Variants in NAALADL2 observed in about 807,000 individuals in gnomAD.
NAALADL2 encodes the protein N-acetylated alpha-linked acidic dipeptidase like 2.
NAALADL2 carries 76 observed loss-of-function variants against 87.2 expected under a neutral mutation model. That is an observed-to-expected ratio of 0.87 (90% confidence interval 0.72 to 1.05). NAALADL2 has a LOEUF of 1.05. NAALADL2 is among the 50% of genes least tolerant of loss of function. NAALADL2 has a pLI of 0.00. For synonymous variants in NAALADL2, 354 were observed against 331.0 expected (o/e 1.07, Z -0.75); for missense variants, 1,089 against 945.8 (o/e 1.15, Z -1.99).
chr3:175,432,564 T>C (rs1356018615), intron 5 of NAALADL2, among the ~76,000 whole-genome samples: 1 of 152,042 alleles, frequency 6.6e-6, no homozygotes, highest in Non-Finnish European at 1.5e-5. Flanking sequence ...CCATTCCCTT[T>C]TCACAGCCTT....
chr3:174,606,732 T>C (rs1719114610), intron 2 of NAALADL2, among the ~76,000 whole-genome samples: 1 of 152,166 alleles, frequency 6.6e-6, no homozygotes, highest in Non-Finnish European at 1.5e-5. Flanking sequence ...TGGAACCAAG[T>C]TGGAAAACCC....
chr3:175,041,664 G>A (rs1049734127), intron 1 of NAALADL2, among the ~76,000 whole-genome samples: 1 of 152,034 alleles, frequency 6.6e-6, no homozygotes, highest in Non-Finnish European at 1.5e-5. Context: ...AGATGCTCCC[G>A]TCATTCCTTC....
At chr3:175,614,200 G>A (rs760871673) in intron 10 of NAALADL2, among the ~76,000 whole-genome samples, 5 of 152,074 alleles carry the variant, frequency 3.3e-5, no homozygotes, top group Non-Finnish European at 5.9e-5. Flanking sequence ...TTACAGGTGC[G>A]AGCCACCATA....
At chr3:175,053,787 C>T (rs6786232) in intron 1 of NAALADL2, among the ~76,000 whole-genome samples, 21,402 of 152,190 alleles carry the variant, frequency 0.14, 1,698 homozygotes, top group East Asian at 0.22. Flanking sequence ...AGTTGGGCAT[C>T]GCTGGATAAT....
chr3:175,444,344 G>A (rs142989954), intron 5 of NAALADL2, among the ~76,000 whole-genome samples: 70 of 152,252 alleles, frequency 4.6e-4, no homozygotes, highest in East Asian at 3.5e-3. Context: ...CTATCCCAGC[G>A]TTTGTACAGA....
intron 1 of NAALADL2, among the ~76,000 whole-genome samples, chr3:174,882,359 G>T (rs1729298549): frequency 6.6e-6 from 1 of 151,650 alleles, no homozygotes; most frequent in Admixed American, 6.6e-5. Context: ...ACACAAAATA[G>T]TTAACTTGAT....
At chr3:175,036,804 C>CTT (rs10662446) in intron 1 of NAALADL2, among the ~76,000 whole-genome samples, 7,534 of 117,284 alleles carry the variant, frequency 0.064, 946 homozygotes, top group African/African-American at 0.23. Flanking sequence ...TCCATCTGTT[C>CTT]TTTTTTTTTT....
At chr3:175,388,215 AAAC>A (rs1768638329) in intron 5 of NAALADL2, among the ~76,000 whole-genome samples, 1 of 152,086 alleles carries the variant, frequency 6.6e-6, no homozygotes. Flanking sequence ...TTATTTGCAC[AAAC>A]ATTATGAAGA....
rs138703237 is a variant in NAALADL2 at position 174,774,012 on chromosome 3, C to T, written c.-9+36266C>T. The stretch of plus-strand genomic sequence containing the variant: ...GCCTTATGAAGCAAGTGTCTTAAGA[C>T]CTCTTCCATTGGGTACACTTATGAG... On this transcript the variant is annotated intron_variant, in intron 3 of 3. Coordinates refer to the NAALADL2 transcript ENST00000434257. 9.1e-3 allele frequency among the ~76,000 whole-genome samples: 1,385 copies of T among 152,192 alleles called. 14 individuals carry two copies. The highest frequency in any genetic ancestry group is 0.027 in the Middle Eastern group (8 of 294).
At chr3:175,263,665 C>T (rs1751462380) in intron 4 of NAALADL2, among the ~76,000 whole-genome samples, 1 of 151,576 alleles carries the variant, frequency 6.6e-6, no homozygotes, top group Non-Finnish European at 1.5e-5. Flanking sequence ...AGGTGCTGAG[C>T]ATCTTGTTTT....
intron 9 of NAALADL2, among the ~76,000 whole-genome samples, chr3:175,528,961 G>A (rs1051645315): frequency 9.2e-5 from 14 of 152,144 alleles, no homozygotes; most frequent in Admixed American, 7.8e-4. Flanking sequence ...TACCCATTCT[G>A]TATTCCCTTT....
intron 4 of NAALADL2, among the ~76,000 whole-genome samples, chr3:175,319,234 A>G (rs1759536189): frequency 6.6e-6 from 1 of 152,200 alleles, no homozygotes; most frequent in Non-Finnish European, 1.5e-5. Context: ...AATAATGACA[A>G]AAGTCTGATA....
chr3:175,240,817 G>T (rs572031228), intron 3 of NAALADL2, among the ~76,000 whole-genome samples: 1 of 151,870 alleles, frequency 6.6e-6, no homozygotes, highest in Non-Finnish European at 1.5e-5. Context: ...CACCACACCC[G>T]GCTAATTTTG....
intron 1 of NAALADL2, among the ~76,000 whole-genome samples, chr3:174,859,995 A>G (rs1161403292): frequency 6.6e-6 from 1 of 152,088 alleles, no homozygotes; most frequent in East Asian, 1.9e-4. Context: ...GCTTAATCAG[A>G]TACCTTTGTC....
chr3:174,952,116 A>G (rs1050559009), intron 1 of NAALADL2, among the ~76,000 whole-genome samples: 1 of 152,144 alleles, frequency 6.6e-6, no homozygotes, highest in Non-Finnish European at 1.5e-5. Flanking sequence ...TCTTTGGTAC[A>G]ACTAAATCTC....
chr3:175,278,979 G>T (rs1213515721), intron 4 of NAALADL2, among the ~76,000 whole-genome samples: 1 of 152,100 alleles, frequency 6.6e-6, no homozygotes, highest in Non-Finnish European at 1.5e-5. Flanking sequence ...GGTGTAATAG[G>T]TCTACATTCT....
intron 3 of NAALADL2, among the ~76,000 whole-genome samples, chr3:174,852,760 A>G (rs1193479670): frequency 1.3e-5 from 2 of 152,172 alleles, no homozygotes; most frequent in South Asian, 4.1e-4. Context: ...AGCCAAAGCT[A>G]TCCTGATCAG....
intron 1 of NAALADL2, among the ~76,000 whole-genome samples, chr3:175,091,559 A>C (rs1720128419): frequency 6.6e-6 from 1 of 152,040 alleles, no homozygotes; most frequent in African/African-American, 2.4e-5. Context: ...AGATCTGTAC[A>C]ATCTTTTCTA....
In NAALADL2 at chr3:175,082,368, G is replaced by A. The variant is rs1366703066; in HGVS notation, c.44-14422G>A. On this transcript the variant is annotated intron_variant, in intron 1 of 13. Coordinates refer to ENST00000454872, the MANE Select transcript of NAALADL2 (RefSeq NM_207015.3). ...TAGTTTATTATTTCTATCTTATTTT[G>A]TTCATAAAGTGCATTATGCAACTAA... 6.6e-5 allele frequency among the ~76,000 whole-genome samples: 10 copies of A among 152,164 alleles called. No individual in the cohort carries two copies. The East Asian group carries it at 1.5e-3, about 23-fold the overall frequency.
Sources: gnomAD v4.1 joint callset for allele counts (sites outside exome capture counted in the v4.1 genomes callset) on GRCh38, gnomAD v4.1.1 for gene constraint, MANE v1.5 for transcripts, NCBI Gene and HGNC (gene_info 2026-07-23, HGNC 2026-07-21) for gene names.